Variants in EPS15 observed in about 807,000 individuals in gnomAD.
EPS15 encodes epidermal growth factor receptor pathway substrate 15, also known as epidermal growth factor receptor substrate 15.
A neutral mutation model predicts 113.8 loss-of-function variants in EPS15; 72 were observed. The observed-to-expected ratio is 0.63, with a 90% CI of 0.52 to 0.77. The LOEUF is 0.77. EPS15 is among the 30% of genes least tolerant of loss of function. The pLI is 0.00. For synonymous variants in EPS15, 344 were observed against 363.4 expected (o/e 0.95, Z 0.61); for missense variants, 1,048 against 1,045.8 (o/e 1.00, Z -0.03).
At chr1:51,376,351 A>T (rs1277059245) in intron 21 of EPS15, among the ~76,000 whole-genome samples, 1 of 152,302 alleles carries the variant, frequency 6.6e-6, no homozygotes, top group East Asian at 1.9e-4. Flanking sequence ...CACTGCTCAG[A>T]TAAGAGATTT....
At chr1:51,399,489 C>T (rs1000912619) in intron 19 of EPS15, among the ~76,000 whole-genome samples, 3 of 151,014 alleles carry the variant, frequency 2.0e-5, no homozygotes, top group Non-Finnish European at 4.4e-5. Context: ...GAGGCAGAGG[C>T]TGCAGTGAGC....
At chr1:51,446,810 A>T in intron 10 of EPS15, 150 bp downstream of exon 10, 4 of 659,932 alleles carry the variant, frequency 6.1e-6, no homozygotes, top group Non-Finnish European at 1.0e-5. Flanking sequence ...TTTGTCCATT[A>T]GCCAGAAGAA....
chr1:51,403,901 C>T (rs891006809), intron 16 of EPS15, among the ~76,000 whole-genome samples: 2 of 152,188 alleles, frequency 1.3e-5, no homozygotes, highest in Non-Finnish European at 2.9e-5. Flanking sequence ...GCTTTCCTGC[C>T]TCCAATACAT....
At chr1:51,517,658 TC>T (rs1644748351) in intron 1 of EPS15, among the ~76,000 whole-genome samples, 1 of 152,182 alleles carries the variant, frequency 6.6e-6, no homozygotes, top group Admixed American at 6.5e-5. Flanking sequence ...CTGTAGTTGT[TC>T]AAATTTGAGT....
intron 12 of EPS15, among the ~76,000 whole-genome samples, chr1:51,426,446 G>T (rs1198950582): frequency 6.7e-6 from 1 of 148,916 alleles, no homozygotes; most frequent in Non-Finnish European, 1.5e-5. Context: ...TAGGTAGCAA[G>T]CCCTGGCTCC....
intron 7 of EPS15, among the ~76,000 whole-genome samples, 193 bp from the exon 8 acceptor site, chr1:51,461,343 C>T (rs1654427095): frequency 6.6e-6 from 1 of 151,580 alleles, no homozygotes; most frequent in South Asian, 2.1e-4. Flanking sequence ...TAACGAGATC[C>T]CATCTCTACA....
intron 13 of EPS15, among the ~76,000 whole-genome samples, chr1:51,412,535 TCA>T (rs1410118293): frequency 2.6e-5 from 4 of 152,360 alleles, no homozygotes; most frequent in South Asian, 2.1e-4. Context: ...GTTTGTGTGA[TCA>T]CAGTTTCAAA....
intron 2 of EPS15, among the ~76,000 whole-genome samples, chr1:51,481,022 T>C (rs985200917): frequency 6.6e-6 from 1 of 152,270 alleles, no homozygotes; most frequent in Non-Finnish European, 1.5e-5. Context: ...TATATCTGGA[T>C]AAATCTATCA....
chr1:51,402,262 G>T lies in EPS15; in HGVS notation c.1882+173C>A, dbSNP rs185005187. On this transcript the variant is annotated intron_variant, in intron 18 of 24. Transcript: ENST00000371733. ...CTCAAGAGGCTGAGACAGGAGAATC[G>T]CTTGAACCCAGGAGGCGGAGGTTGC... Among the ~76,000 whole-genome samples, 8 of 152,128 alleles carry T rather than the reference G, an allele frequency of 5.3e-5. No homozygotes were observed. The East Asian group carries it at 1.2e-3, about 22-fold the overall frequency.
At chr1:51,488,404 T>C (rs1317089525) in intron 1 of EPS15, among the ~76,000 whole-genome samples, 5 of 151,238 alleles carry the variant, frequency 3.3e-5, no homozygotes, top group African/African-American at 9.7e-5. Context: ...TCCATTGCTA[T>C]TTCTTACTAG....
intron 21 of EPS15, among the ~76,000 whole-genome samples, chr1:51,381,191 T>C (rs956666962): frequency 5.9e-5 from 9 of 152,142 alleles, no homozygotes; most frequent in African/African-American, 1.9e-4. Context: ...CACCCAACAA[T>C]AGCAGAATAC....
chr1:51,440,427 G>A lies in EPS15; in HGVS notation c.960C>T (p.Ile320=). 1 of 1,554,440 alleles carries A rather than the reference G, an allele frequency of 6.4e-7. No individual in the cohort carries two copies. The highest frequency in any genetic ancestry group is 8.8e-7 in the Non-Finnish European group (1 of 1,139,422). The part of the protein sequence containing the change: ...PSDRASLQKN[I]IGSSPVADFS... ...AATCTGCAACAGGACTTGATCCTATGATGTTCTAAAAACAAAAAGTTCACA... is the reference window on the plus strand; with the variant it reads ...AATCTGCAACAGGACTTGATCCTATAATGTTCTAAAAACAAAAAGTTCACA... Residue 320 remains isoleucine, a synonymous_variant, in exon 12 of 25, where the codon ATC becomes ATT. Transcript: ENST00000371733.
chr1:51,486,044 C>T (rs1644115346), intron 1 of EPS15, among the ~76,000 whole-genome samples: 1 of 151,926 alleles, frequency 6.6e-6, no homozygotes, highest in African/African-American at 2.4e-5. Context: ...GTGATCCACC[C>T]ACCTCAGCCT....
At chr1:51,432,983 T>C (rs1430339955) in intron 12 of EPS15, among the ~76,000 whole-genome samples, 1 of 152,154 alleles carries the variant, frequency 6.6e-6, no homozygotes, top group African/African-American at 2.4e-5. Context: ...AGCTCCAGAT[T>C]TGATAATATA....
chr1:51,482,267 G>A (rs1305967190), intron 1 of EPS15, among the ~76,000 whole-genome samples: 3 of 152,128 alleles, frequency 2.0e-5, no homozygotes, highest in Admixed American at 6.6e-5. Flanking sequence ...GGCTTCATGG[G>A]GTGACATCAG....
rs371560389 is a variant in EPS15, at chr1:51,387,670, T to C, written c.2119+6711A>G. On this transcript the variant is annotated intron_variant, in intron 21 of 24. Transcript: ENST00000371733. ...ACAAAAAAAGGCAGGGGTTGCAATC[T>C]TAGTCTCTGATAAAACAGACTTTAA... 8.5e-5 allele frequency among the ~76,000 whole-genome samples: 13 copies of C among 152,102 alleles called. No homozygotes were observed. In the East Asian group the frequency reaches 1.4e-3, roughly 16 times the overall value.
At chr1:51,508,674 A>T (rs932333010) in intron 1 of EPS15, among the ~76,000 whole-genome samples, 10 of 152,086 alleles carry the variant, frequency 6.6e-5, no homozygotes, top group African/African-American at 1.7e-4. Flanking sequence ...TATATATATA[A>T]AATATTTTAC....
intron 12 of EPS15, among the ~76,000 whole-genome samples, chr1:51,430,977 T>TACACACACACACAC (rs67920039): frequency 8.2e-6 from 1 of 122,028 alleles, no homozygotes; most frequent in Admixed American, 8.4e-5. Context: ...ATTACTTACA[T>TACACACACACACAC]ACACACACAC....
chr1:51,444,240 A>G (rs1377033696), intron 11 of EPS15, among the ~76,000 whole-genome samples: 2 of 152,248 alleles, frequency 1.3e-5, no homozygotes, highest in Non-Finnish European at 2.9e-5. Flanking sequence ...CAAATGCATC[A>G]TACTAGGAAG....
Sources: gnomAD v4.1 joint callset for allele counts (sites outside exome capture counted in the v4.1 genomes callset) on GRCh38, gnomAD v4.1.1 for gene constraint, MANE v1.5 for transcripts, NCBI Gene and HGNC (gene_info 2026-07-23, HGNC 2026-07-21) for gene names.